Variants in RUFY3 observed in about 807,000 individuals in gnomAD.
RUFY3 encodes protein RUFY3.
RUFY3 carries 34 observed loss-of-function variants against 84.0 expected under a neutral mutation model. The ratio of observed to expected loss-of-function variants is 0.40; its 90% confidence interval spans 0.31 to 0.54. The LOEUF (loss-of-function observed/expected upper bound fraction) is 0.54. RUFY3 is among the 20% of genes least tolerant of loss of function. RUFY3 has a pLI of 0.39. For missense variants in RUFY3, 507 were observed against 736.8 expected (o/e 0.69, Z 3.61); for synonymous variants, 242 against 252.9 (o/e 0.96, Z 0.41).
At chr4:70,792,797 CAT>C (rs1731021504) in intron 12 of RUFY3, 1 of 985,234 alleles carries the variant, frequency 1.0e-6, no homozygotes, top group African/African-American at 1.7e-5. Flanking sequence ...GTCCAAAGAA[CAT>C]ATGTTTAGAC....
chr4:70,709,596 A>G (rs1740736473), intron 1 of RUFY3, among the ~76,000 whole-genome samples: 1 of 152,144 alleles, frequency 6.6e-6, no homozygotes, highest in African/African-American at 2.4e-5. Context: ...TGTAAGGAGG[A>G]TCTGCTTGCA....
intron 15 of RUFY3, 31 bp downstream of exon 15, chr4:70,800,236 T>A: frequency 6.4e-7 from 1 of 1,566,500 alleles, no homozygotes; most frequent in Non-Finnish European, 8.7e-7. Flanking sequence ...AACTAAGATG[T>A]AAAGTTATTC....
chr4:70,727,395 G>T (rs1180666456), intron 1 of RUFY3, among the ~76,000 whole-genome samples: 8 of 130,752 alleles, frequency 6.1e-5, no homozygotes, highest in African/African-American at 6.1e-5. Flanking sequence ...TCACTCTGTT[G>T]CCCAGGCTGG....
At chr4:70,790,599 C>T (rs1730649533) in intron 12 of RUFY3, among the ~76,000 whole-genome samples, 1 of 152,190 alleles carries the variant, frequency 6.6e-6, no homozygotes, top group African/African-American at 2.4e-5. Context: ...CTGGGAACTC[C>T]CATAGCTTCA....
intron 1 of RUFY3, among the ~76,000 whole-genome samples, chr4:70,709,346 C>T (rs1049709297): frequency 2.0e-5 from 3 of 152,156 alleles, no homozygotes; most frequent in Non-Finnish European, 4.4e-5. Flanking sequence ...TGAATCTATG[C>T]TCATTGTTTA....
intron 7 of RUFY3, among the ~76,000 whole-genome samples, chr4:70,777,063 G>A (rs931554515): frequency 6.6e-6 from 1 of 152,044 alleles, no homozygotes; most frequent in African/African-American, 2.4e-5. Context: ...TCTTATGTGG[G>A]ATTTAAACAA....
chr4:70,792,218 T>G (rs780531951), intron 12 of RUFY3: 48 of 985,432 alleles, frequency 4.9e-5, no homozygotes, highest in Non-Finnish European at 5.4e-5. Flanking sequence ...ATGATGATAT[T>G]CTGCCTGGCC....
intron 1 of RUFY3, among the ~76,000 whole-genome samples, chr4:70,726,562 A>G (rs1304167064): frequency 6.6e-6 from 1 of 152,102 alleles, no homozygotes; most frequent in Non-Finnish European, 1.5e-5. Context: ...TAGCAGAGAC[A>G]GGGTTTCTCC....
intron 1 of RUFY3, among the ~76,000 whole-genome samples, chr4:70,739,862 A>T (rs975657943): frequency 1.7e-4 from 26 of 149,930 alleles, no homozygotes; most frequent in Admixed American, 7.3e-4. Context: ...GCAGTGGGGG[A>T]CGCCTATAAT....
At chr4:70,775,378 T>C (rs1727759852) in intron 7 of RUFY3, 145 bp downstream of exon 7, 4 of 477,694 alleles carry the variant, frequency 8.4e-6, no homozygotes, top group Non-Finnish European at 1.5e-5. Context: ...AGTTAGGCAC[T>C]AGATAAATAA....
At chr4:70,789,460 T>C in intron 11 of RUFY3, 35 bp from the exon 12 acceptor site, 1 of 1,582,212 alleles carries the variant, frequency 6.3e-7, no homozygotes, top group Non-Finnish European at 8.6e-7. Flanking sequence ...AGGATTTATG[T>C]TATACAGGTT....
intron 5 of RUFY3, 104 bp from the exon 6 acceptor site, chr4:70,773,407 T>G (rs1279695762): frequency 1.4e-6 from 1 of 703,536 alleles, no homozygotes; most frequent in Non-Finnish European, 2.5e-6. Flanking sequence ...TTCTAGTAAG[T>G]GTCATGACTG....
intron 8 of RUFY3, among the ~76,000 whole-genome samples, chr4:70,782,252 CTT>C (rs939390810): frequency 1.5e-4 from 23 of 150,448 alleles, no homozygotes; most frequent in African/African-American, 5.4e-4. Context: ...TAAGTTAAAA[CTT>C]TTCATATAAA....
Position 70,794,836 on chromosome 4 carries a change from G to C in RUFY3, c.1499G>C (p.Arg500Thr), listed in dbSNP as rs1428986446. ...ELELKQEKER[R>T]LQNDRSIPGR... ...GAACTAAAACAGGAAAAAGAAAGAA[G>C]ATTACAAAACGACAGGAGCATCCCA... Residue 500 changes from arginine (R) to threonine (T), a missense_variant, in exon 14 of 18, where the codon AGA becomes ACA. Transcript: ENST00000381006. The C allele has an allele frequency of 2.5e-6, 4 of 1,612,884 alleles. No homozygotes were observed. The Admixed American group carries it at 6.7e-5, about 27-fold the overall frequency.
intron 5 of RUFY3, among the ~76,000 whole-genome samples, chr4:70,772,713 T>C (rs2148735017): frequency 6.6e-6 from 1 of 151,678 alleles, no homozygotes; most frequent in Non-Finnish European, 1.5e-5. Context: ...CAGGCTGGAG[T>C]GCAATGGTGA....
chr4:70,803,900 A>AAC (rs1304413999), intron 16 of RUFY3, among the ~76,000 whole-genome samples: 2 of 138,234 alleles, frequency 1.4e-5, no homozygotes, highest in East Asian at 4.1e-4. Flanking sequence ...TTTTTTTTTT[A>AAC]ATATATATAT....
At chr4:70,706,359 C>G (rs1740340024) in intron 1 of RUFY3, among the ~76,000 whole-genome samples, 1 of 152,174 alleles carries the variant, frequency 6.6e-6, no homozygotes, top group South Asian at 2.1e-4. Flanking sequence ...GAAACCCTGA[C>G]TCACCTTTTC....
intron 5 of RUFY3, among the ~76,000 whole-genome samples, chr4:70,772,417 G>A (rs1038902182): frequency 2.6e-5 from 4 of 152,046 alleles, no homozygotes; most frequent in Non-Finnish European, 4.4e-5. Context: ...TTGGATTCTG[G>A]CTTCCTCATT....
intron 1 of RUFY3, among the ~76,000 whole-genome samples, chr4:70,738,706 T>C (rs980104204): frequency 1.3e-5 from 2 of 151,756 alleles, no homozygotes; most frequent in Non-Finnish European, 2.9e-5. Context: ...TAAAGTCTTT[T>C]GCTCACCATA....
Sources: allele counts gnomAD v4.1 joint callset (sites outside exome capture counted in the v4.1 genomes callset), GRCh38; gene constraint gnomAD v4.1.1; transcripts MANE v1.5; gene names NCBI Gene and HGNC (gene_info 2026-07-23, HGNC 2026-07-21).